Variants in SLC24A4 observed in about 807,000 individuals in gnomAD.
The protein encoded by SLC24A4 is solute carrier family 24 member 4.
SLC24A4 carries 53 observed loss-of-function variants against 79.0 expected under a neutral mutation model. The observed-to-expected ratio is 0.67, with a 90% CI of 0.54 to 0.84. The LOEUF (loss-of-function observed/expected upper bound fraction) is 0.84, where lower values mean the gene tolerates loss of function less well. Among genes scored for constraint, SLC24A4 ranks in the 40% least tolerant of loss-of-function variants. The pLI is 0.00. For synonymous variants in SLC24A4, 323 were observed against 323.8 expected (o/e 1.00, Z 0.03); for missense variants, 731 against 822.0 (o/e 0.89, Z 1.35).
At chr14:92,329,974 C>A (rs1390959976) in intron 2 of SLC24A4, among the ~76,000 whole-genome samples, 2 of 152,124 alleles carry the variant, frequency 1.3e-5, no homozygotes, top group Admixed American at 6.5e-5. Context: ...TTTGAAATGC[C>A]CAGGCCCCAC....
At chr14:92,465,491 G>C (rs980974594) in intron 12 of SLC24A4, among the ~76,000 whole-genome samples, 4 of 152,196 alleles carry the variant, frequency 2.6e-5, no homozygotes, top group Non-Finnish European at 4.4e-5. Flanking sequence ...AGAGCTTCAG[G>C]GTGGGGGCTG....
Position 92,495,942 on chromosome 14 carries a change from G to A in SLC24A4, c.*2314G>A, listed in dbSNP as rs1167473560. ...ATGCCTCTATTTTATCTTGAAAAAAGGACCAAAAATTATTTTTAGCTATGG... is the reference window on the plus strand; with the variant it reads ...ATGCCTCTATTTTATCTTGAAAAAAAGACCAAAAATTATTTTTAGCTATGG... On this transcript the variant is annotated 3_prime_UTR_variant, in exon 17 of 17. Transcript: ENST00000532405. 6.6e-6 allele frequency: 1 copy of A among 152,176 alleles called. No individual in the cohort carries two copies. Among genetic ancestry groups the A allele is most frequent in the Non-Finnish European group, 1.5e-5 (1 of 68,028 alleles). 9.4% of individuals were successfully genotyped at this position (152,176 alleles called of 1,614,324 possible). A position where few individuals can be genotyped will look rare whatever the true frequency, so the allele number is the denominator to read the frequency against.
rs980665541 is a variant in SLC24A4, at chr14:92,478,468, G to A, written c.1256-4212G>A. 9.2e-5 allele frequency among the ~76,000 whole-genome samples: 14 copies of A among 151,986 alleles called. 1 individual carries two copies. The highest frequency in any genetic ancestry group is 2.9e-4 in the African/African-American group (12 of 41,344). ...ATATTAAATGCCTGGGTTTATTTCT[G>A]GACTCAAAATTTTATTCCATTCTTA... On this transcript the variant is annotated intron_variant, in intron 12 of 16. Transcript: ENST00000532405.
At chr14:92,465,899 C>G (rs1894085650) in intron 12 of SLC24A4, among the ~76,000 whole-genome samples, 1 of 152,202 alleles carries the variant, frequency 6.6e-6, no homozygotes, top group South Asian at 2.1e-4. Flanking sequence ...TTGCTGATAC[C>G]TGATGTTTTT....
intron 2 of SLC24A4, among the ~76,000 whole-genome samples, chr14:92,348,090 C>T (rs1490376847): frequency 6.6e-6 from 1 of 152,128 alleles, no homozygotes; most frequent in African/African-American, 2.4e-5. Context: ...AGATGATGAC[C>T]CAGGCCCAGG....
intron 5 of SLC24A4, 56 bp from the exon 6 acceptor site, chr14:92,442,651 TGAGGAA>T (rs1325540827): frequency 1.7e-6 from 2 of 1,208,436 alleles, no homozygotes; most frequent in Non-Finnish European, 2.4e-6. Context: ...AGGGGGACAC[TGAGGAA>T]GGGGCAGGCT....
chr14:92,394,827 G>A (rs1408226090), intron 2 of SLC24A4, among the ~76,000 whole-genome samples: 1 of 152,206 alleles, frequency 6.6e-6, no homozygotes, highest in Non-Finnish European at 1.5e-5. Flanking sequence ...TGCGTTCTCT[G>A]TCAATGTTTA....
intron 2 of SLC24A4, among the ~76,000 whole-genome samples, chr14:92,347,152 G>A (rs925947116): frequency 2.0e-5 from 3 of 152,198 alleles, no homozygotes; most frequent in Non-Finnish European, 4.4e-5. Flanking sequence ...GGGTTCTGAT[G>A]TCAATCTCCT....
At chr14:92,400,316 G>A (rs1282052001) in intron 2 of SLC24A4, among the ~76,000 whole-genome samples, 2 of 151,872 alleles carry the variant, frequency 1.3e-5, no homozygotes, top group African/African-American at 4.8e-5. Context: ...GCATGCGCCT[G>A]TAGTCCCAGC....
At chr14:92,422,471 CA>C (rs1487879054) in intron 2 of SLC24A4, among the ~76,000 whole-genome samples, 2 of 152,212 alleles carry the variant, frequency 1.3e-5, no homozygotes, top group African/African-American at 4.8e-5. Flanking sequence ...TTGGCTCTGC[CA>C]CTTACTGGCT....
At chr14:92,338,692 T>C (rs944583689) in intron 2 of SLC24A4, among the ~76,000 whole-genome samples, 1 of 152,190 alleles carries the variant, frequency 6.6e-6, no homozygotes. Context: ...GTACCTAAGA[T>C]ATCTGTTTAC....
chr14:92,479,489 T>G lies in SLC24A4; in HGVS notation c.1256-3191T>G, dbSNP rs1273604746. Among the ~76,000 whole-genome samples, 3 of 152,266 alleles carry G rather than the reference T, an allele frequency of 2.0e-5. No homozygotes were observed. In the East Asian group the frequency reaches 5.8e-4, roughly 29 times the overall value. On this transcript the variant is annotated intron_variant, in intron 12 of 16. Transcript: ENST00000532405. ...TGTGTAGTTTTATCCTTTATTCTAT[T>G]AATGTAATGTTTTACATTGATTGAA...
intron 13 of SLC24A4, 75 bp downstream of exon 13, chr14:92,482,921 C>G: frequency 6.9e-7 from 1 of 1,456,592 alleles, no homozygotes; most frequent in Non-Finnish European, 9.3e-7. Flanking sequence ...AGGCTAACCA[C>G]AGGTACTGCT....
intron 1 of SLC24A4, among the ~76,000 whole-genome samples, chr14:92,325,482 A>G (rs1464875481): frequency 1.3e-5 from 2 of 152,182 alleles, no homozygotes; most frequent in Non-Finnish European, 2.9e-5. Context: ...AGCCTTGCCC[A>G]CCTGCTTGCT....
chr14:92,357,140 G>A (rs1333520010), intron 2 of SLC24A4, among the ~76,000 whole-genome samples: 2 of 152,142 alleles, frequency 1.3e-5, no homozygotes, highest in East Asian at 1.9e-4. Context: ...TGTCACCAAC[G>A]AGGGGCAACT....
intron 15 of SLC24A4, 45 bp from the exon 16 acceptor site, chr14:92,492,130 T>C (rs778675011): frequency 1.9e-6 from 3 of 1,575,784 alleles, no homozygotes; most frequent in Admixed American, 1.7e-5. Context: ...ATGGATTGGC[T>C]CTGAGCAGTC....
intron 12 of SLC24A4, among the ~76,000 whole-genome samples, chr14:92,481,910 A>C (rs985233278): frequency 6.6e-6 from 1 of 152,220 alleles, no homozygotes; most frequent in Non-Finnish European, 1.5e-5. Context: ...CTTATTAAGG[A>C]AACTATGCTT....
At chr14:92,359,504 CAGG>C (rs984367156) in intron 2 of SLC24A4, among the ~76,000 whole-genome samples, 5 of 151,966 alleles carry the variant, frequency 3.3e-5, no homozygotes, top group Admixed American at 1.3e-4. Flanking sequence ...GAGGCTGAGG[CAGG>C]AGAATCGCGT....
chr14:92,469,615 A>G (rs1268287170), intron 12 of SLC24A4, among the ~76,000 whole-genome samples: 1 of 152,236 alleles, frequency 6.6e-6, no homozygotes, highest in Non-Finnish European at 1.5e-5. Flanking sequence ...ACTTATACAC[A>G]AGAGTTCATA....
Sources: allele counts gnomAD v4.1 joint callset (sites outside exome capture counted in the v4.1 genomes callset), GRCh38; gene constraint gnomAD v4.1.1; transcripts MANE v1.5; gene names NCBI Gene and HGNC (gene_info 2026-07-23, HGNC 2026-07-21).